Variants in GOSR1 observed in about 807,000 individuals in gnomAD.
The protein encoded by GOSR1 is 28 kDa Golgi SNARE protein.
Under a neutral mutation model 35.5 loss-of-function variants are expected in GOSR1, and 21 were observed. That is an observed-to-expected ratio of 0.59 (90% confidence interval 0.42 to 0.85). GOSR1 has a LOEUF of 0.85. GOSR1 is among the 40% of genes least tolerant of loss of function. The pLI is 0.00. For missense variants in GOSR1, 285 were observed against 309.6 expected (o/e 0.92, Z 0.60); for synonymous variants, 94 against 106.6 (o/e 0.88, Z 0.73).
chr17:30,521,407 T>G (rs1968029169), intron 8 of GOSR1, among the ~76,000 whole-genome samples: 1 of 151,882 alleles, frequency 6.6e-6, no homozygotes. Flanking sequence ...AGTCTCAAAC[T>G]CCTAGGCTCA....
intron 6 of GOSR1, among the ~76,000 whole-genome samples, chr17:30,497,775 A>G (rs1427318261): frequency 1.3e-5 from 2 of 152,216 alleles, no homozygotes; most frequent in African/African-American, 4.8e-5. Context: ...AACTCAATGT[A>G]TGGCCAGATG....
At chr17:30,518,997 G>A (rs1434885584) in intron 7 of GOSR1, among the ~76,000 whole-genome samples, 2 of 150,608 alleles carry the variant, frequency 1.3e-5, no homozygotes, top group East Asian at 3.9e-4. Flanking sequence ...CTTTTAAACA[G>A]GACATCAAGG....
chr17:30,479,344 C>G (rs902812822), intron 1 of GOSR1: 1 of 152,266 alleles, frequency 6.6e-6, no homozygotes, highest in Non-Finnish European at 1.5e-5. Context: ...TTCTGTCACG[C>G]AACCCTTAGA....
At chr17:30,509,768 T>C (rs112527353) in intron 6 of GOSR1, among the ~76,000 whole-genome samples, 1 of 152,190 alleles carries the variant, frequency 6.6e-6, no homozygotes, top group Non-Finnish European at 1.5e-5. Context: ...TTTCTTAAGA[T>C]TCTTGAATTC....
chr17:30,490,028 C>T, intron 4 of GOSR1, 98 bp from the exon 5 acceptor site: 5 of 603,522 alleles, frequency 8.3e-6, no homozygotes, highest in East Asian at 5.8e-5. Context: ...TAGCAGTTTT[C>T]TTGACAAATT....
At position 30,519,928 on chromosome 17, in the gene GOSR1, TC is replaced by T. The variant is rs1488441499; in HGVS notation, c.540-7del. ...TAAATGGTGATTTGTCATCTTTTTT[TC>T]CCCTTGCAGCATTGCTATGGCAACA... On this transcript the variant is annotated splice_polypyrimidine_tract_variant and intron_variant, in intron 7 of 8. Coordinates refer to ENST00000451249, the MANE Select transcript of GOSR1 (RefSeq NM_001007025.2). 12 of 1,553,242 alleles carry T rather than the reference TC, an allele frequency of 7.7e-6. No individual in the cohort carries two copies. The highest frequency in any genetic ancestry group is 1.4e-5 in the African/African-American group (1 of 73,670).
intron 6 of GOSR1, among the ~76,000 whole-genome samples, chr17:30,507,917 A>G (rs1400349376): frequency 6.6e-6 from 1 of 152,242 alleles, no homozygotes; most frequent in Non-Finnish European, 1.5e-5. Context: ...CAAAGGATTC[A>G]GAAGAGTGTA....
chr17:30,504,501 T>C (rs1156289253), intron 6 of GOSR1, among the ~76,000 whole-genome samples: 1 of 152,200 alleles, frequency 6.6e-6, no homozygotes, highest in Non-Finnish European at 1.5e-5. Context: ...AAAATCCAAT[T>C]TTGTGCAAAA....
At chr17:30,495,614 C>T in intron 6 of GOSR1, 1 of 326,944 alleles carries the variant, frequency 3.1e-6, no homozygotes, top group Middle Eastern at 4.6e-4. Context: ...CTGCATCTCA[C>T]TGTCAGCCAA....
intron 6 of GOSR1, among the ~76,000 whole-genome samples, chr17:30,507,258 C>A (rs186943597): frequency 6.6e-6 from 1 of 152,296 alleles, no homozygotes. Flanking sequence ...AGTCCCCATT[C>A]TAGATGCCAT....
chr17:30,477,738 C>T (rs1597747827), intron 1 of GOSR1: 1 of 985,148 alleles, frequency 1.0e-6, no homozygotes, highest in East Asian at 1.1e-4. Context: ...TCTCAATCGC[C>T]TGGGTAGAAT....
intron 7 of GOSR1, among the ~76,000 whole-genome samples, chr17:30,514,719 C>CA (rs974477875): frequency 3.9e-5 from 6 of 152,006 alleles, no homozygotes; most frequent in Non-Finnish European, 7.4e-5. Context: ...TTGTTTCATG[C>CA]AAAAAAATAT....
At chr17:30,477,626 G>T in intron 1 of GOSR1, 162 bp downstream of exon 1, 1 of 1,392,548 alleles carries the variant, frequency 7.2e-7, no homozygotes, top group Non-Finnish European at 9.4e-7. Context: ...TGGGGATACC[G>T]AACGGTCTGG....
intron 6 of GOSR1, among the ~76,000 whole-genome samples, chr17:30,509,815 G>A (rs1967548384): frequency 6.6e-6 from 1 of 152,040 alleles, no homozygotes; most frequent in South Asian, 2.1e-4. Flanking sequence ...TTAAAAAAAA[G>A]CCTGTTTCCC....
intron 6 of GOSR1, among the ~76,000 whole-genome samples, chr17:30,492,988 T>G (rs1053117191): frequency 1.3e-5 from 2 of 151,954 alleles, no homozygotes; most frequent in African/African-American, 4.8e-5. Flanking sequence ...TTAATATGGT[T>G]GTTATTTTTT....
At position 30,518,220 on chromosome 17, in the gene GOSR1, T is replaced by G. The variant is rs557876641; in HGVS notation, c.540-1719T>G. Among the ~76,000 whole-genome samples, 120 of 152,320 alleles carry G rather than the reference T, an allele frequency of 7.9e-4. 2 individuals carry two copies. Among genetic ancestry groups the G allele is most frequent in the Middle Eastern group, 3.4e-3 (1 of 294 alleles). On this transcript the variant is annotated intron_variant, in intron 7 of 8. Coordinates refer to ENST00000451249, the MANE Select transcript of GOSR1 (RefSeq NM_001007025.2). Reference sequence around the variant, plus strand: ...GCTTGAAGAAAAATCTAAGCTTCCCTGCTGTCAGTTCCCTGGTTCTCTCTT... The same window carrying G: ...GCTTGAAGAAAAATCTAAGCTTCCCGGCTGTCAGTTCCCTGGTTCTCTCTT...
At position 30,495,782 on chromosome 17, in the gene GOSR1, A is replaced by C. The variant is rs569817561; in HGVS notation, c.509+3029A>C. 4.6e-5 allele frequency among the ~76,000 whole-genome samples: 7 copies of C among 152,324 alleles called. No homozygotes were observed. The South Asian group carries it at 1.2e-3, about 27-fold the overall frequency. ...TCCTGTGCCCCTGTCTTCCTGCTGT[A>C]CCCTGGCAAAATGCCAGCCCAATCC... is the stretch of plus-strand genomic sequence containing the variant. On this transcript the variant is annotated intron_variant, in intron 6 of 8. Transcript: ENST00000451249.
rs144856980 is a variant in GOSR1 at position 30,491,377 on chromosome 17, G to T, written c.434+1160G>T. Among the ~76,000 whole-genome samples the T allele has an allele frequency of 7.2e-5, 11 of 152,272 alleles. No homozygotes were observed. In the East Asian group the frequency reaches 1.9e-3, roughly 27 times the overall value. On this transcript the variant is annotated intron_variant, in intron 5 of 8. Coordinates refer to ENST00000451249, the MANE Select transcript of GOSR1 (RefSeq NM_001007025.2). ...AGCAGAAGGTAGAAATGAAAAGACCGGCCAGGCGTGGTGGCTCCCGCCTGT... is the reference window on the plus strand; with the variant it reads ...AGCAGAAGGTAGAAATGAAAAGACCTGCCAGGCGTGGTGGCTCCCGCCTGT...
At position 30,524,865 on chromosome 17, in the gene GOSR1, A is replaced by G. The variant is rs1253139371; in HGVS notation, c.*2487A>G. The G allele has an allele frequency of 2.0e-5, 3 of 152,198 alleles. No individual in the cohort carries two copies. The highest frequency in any genetic ancestry group is 4.1e-4 in the South Asian group (2 of 4,824). 9.4% of individuals were successfully genotyped at this position (152,198 alleles called of 1,614,324 possible). ...TTCTGTGAAAATCTGTTCATTCCAA[A>G]TCTGTTAAGCATTTCCAAACATCCA... On this transcript the variant is annotated 3_prime_UTR_variant, in exon 9 of 9. Transcript: ENST00000451249.
Sources: allele counts gnomAD v4.1 joint callset (sites outside exome capture counted in the v4.1 genomes callset), GRCh38; gene constraint gnomAD v4.1.1; transcripts MANE v1.5; gene names NCBI Gene and HGNC (gene_info 2026-07-23, HGNC 2026-07-21).